Variants in BEND6 observed in about 807,000 individuals in gnomAD.
BEND6 encodes the protein BEN domain containing 6.
BEND6 carries 24 observed loss-of-function variants against 31.8 expected under a neutral mutation model. The observed-to-expected ratio is 0.75, with a 90% CI of 0.55 to 1.06. The LOEUF is 1.06. BEND6 is among the 50% of genes least tolerant of loss of function. The pLI, the probability that BEND6 is intolerant of heterozygous loss-of-function variation, is 0.00. For synonymous variants in BEND6, 109 were observed against 114.6 expected (o/e 0.95, Z 0.31); for missense variants, 294 against 327.4 (o/e 0.90, Z 0.79).
intron 2 of BEND6, among the ~76,000 whole-genome samples, chr6:56,986,649 G>A (rs1280526760): frequency 2.0e-5 from 3 of 152,090 alleles, no homozygotes; most frequent in Non-Finnish European, 4.4e-5. Flanking sequence ...TATTATTTAA[G>A]TCACTTCAGG....
At chr6:57,019,389 G>T (rs1827667646) in intron 6 of BEND6, among the ~76,000 whole-genome samples, 1 of 152,050 alleles carries the variant, frequency 6.6e-6, no homozygotes, top group African/African-American at 2.4e-5. Context: ...GAGGCATGTG[G>T]GTAACACATG....
intron 3 of BEND6, among the ~76,000 whole-genome samples, chr6:57,006,953 A>G (rs1387199302): frequency 6.6e-6 from 1 of 152,154 alleles, no homozygotes; most frequent in Non-Finnish European, 1.5e-5. Context: ...ATTTTTGACA[A>G]AACACCAAGA....
chr6:56,963,618 G>T (rs1237526314), intron 1 of BEND6, among the ~76,000 whole-genome samples: 1 of 151,970 alleles, frequency 6.6e-6, no homozygotes, highest in Middle Eastern at 3.2e-3. Context: ...TTTTACAAAA[G>T]ATTGAGGTTT....
rs1051901700 is a variant in BEND6, at chr6:57,015,052, C to T, written c.299-81C>T. On this transcript the variant is annotated intron_variant, in intron 3 of 6. Transcript: ENST00000370746. ...AGTTTGTTCTGCATATTTCTATGCA[C>T]ATACACTCAACAAAAAAATATGTAC... The T allele has an allele frequency of 5.0e-5, 59 of 1,182,996 alleles. No individual in the cohort carries two copies. The East Asian group carries it at 1.3e-3, about 26-fold the overall frequency. 73.3% of individuals were successfully genotyped at this position (1,182,996 alleles called of 1,614,324 possible).
chr6:57,017,536 GCT>G, intron 5 of BEND6, 137 bp downstream of exon 5: 1 of 686,132 alleles, frequency 1.5e-6, no homozygotes, highest in Non-Finnish European at 2.0e-6. Context: ...ATAGTCTAAA[GCT>G]CTCATTAAAT....
chr6:57,018,435 T>G lies in BEND6; in HGVS notation c.727T>G (p.Leu243Val). 6.3e-7 allele frequency: 1 copy of G among 1,583,538 alleles called. No individual in the cohort carries two copies. Among genetic ancestry groups the G allele is most frequent in the Non-Finnish European group, 8.5e-7 (1 of 1,170,390 alleles). Residue 243 changes from leucine (L) to valine (V), a missense_variant, in exon 6 of 7, where the codon TTA becomes GTA. Leu to Val is a conservative substitution (Grantham distance 32). Coordinates refer to ENST00000370746, the MANE Select transcript of BEND6 (RefSeq NM_152731.3). ...VQEIIGVTKQLFPNTDDVSIR... is the reference protein window; with the variant it reads ...VQEIIGVTKQVFPNTDDVSIR... The stretch of plus-strand genomic sequence containing the variant: ...GTTTTTTACAGGAGTAACAAAACAA[T>G]TATTTCCCAATACGGATGATGTTTC...
chr6:57,006,120 A>G (rs1418681665), intron 3 of BEND6, among the ~76,000 whole-genome samples: 1 of 152,194 alleles, frequency 6.6e-6, no homozygotes, highest in Non-Finnish European at 1.5e-5. Context: ...GTATCTGTGT[A>G]ACCTTGTGCA....
At chr6:57,023,140 G>A (rs1421885460) in intron 6 of BEND6, among the ~76,000 whole-genome samples, 2 of 152,202 alleles carry the variant, frequency 1.3e-5, no homozygotes, top group Admixed American at 1.3e-4. Context: ...TTTGGCCTAT[G>A]TGATCTATGG....
intron 2 of BEND6, among the ~76,000 whole-genome samples, chr6:56,987,269 T>C (rs778406224): frequency 3.3e-5 from 5 of 152,152 alleles, no homozygotes; most frequent in Non-Finnish European, 7.4e-5. Context: ...CGTGAGCCAC[T>C]GTGCCCAGCC....
At chr6:56,973,595 A>C (rs1262055625) in intron 1 of BEND6, among the ~76,000 whole-genome samples, 1 of 152,156 alleles carries the variant, frequency 6.6e-6, no homozygotes, top group East Asian at 1.9e-4. Context: ...AAAATATCTT[A>C]CTGTACTAAG....
chr6:57,015,152 C>A lies in BEND6; in HGVS notation c.318C>A (p.Thr106=). 1 of 1,613,966 alleles carries A rather than the reference C, an allele frequency of 6.2e-7. No homozygotes were observed. The highest frequency in any genetic ancestry group is 8.5e-7 in the Non-Finnish European group (1 of 1,179,932). Residue 106 remains threonine (T), a synonymous_variant, in exon 4 of 7, where the codon ACC becomes ACA. Coordinates refer to ENST00000370746, the MANE Select transcript of BEND6 (RefSeq NM_152731.3). The stretch of plus-strand genomic sequence containing the variant: ...TTTTAGTGTTACCACAAGCAGTCAC[C>A]CAGTTTGAAGAATTGGTTGGTATGG... The part of the protein sequence containing the change: ...VMLQVLPQAV[T]QFEELVGMAE...
At chr6:56,976,714 G>C (rs910825207) in intron 1 of BEND6, among the ~76,000 whole-genome samples, 2 of 152,062 alleles carry the variant, frequency 1.3e-5, no homozygotes, top group East Asian at 1.9e-4. Context: ...ACAGGTGCAC[G>C]TCACCACACC....
At chr6:57,004,480 G>A in intron 3 of BEND6, 1 of 656,998 alleles carries the variant, frequency 1.5e-6, no homozygotes, top group African/African-American at 1.8e-5. Context: ...CGCGCCCTGG[G>A]ACCGTCCCAA....
At chr6:57,010,980 T>C (rs1000849933) in intron 3 of BEND6, 29 of 365,224 alleles carry the variant, frequency 7.9e-5, no homozygotes, top group Non-Finnish European at 1.1e-4. Flanking sequence ...GCTAATACAT[T>C]CTGCTTATAA....
At chr6:57,025,179 A>G (rs1200136018) in intron 6 of BEND6, among the ~76,000 whole-genome samples, 1 of 152,162 alleles carries the variant, frequency 6.6e-6, no homozygotes, top group Non-Finnish European at 1.5e-5. Context: ...TTGGTCAGAG[A>G]GTTCACATAT....
rs74535531 is a variant in BEND6, at chr6:56,984,581, G to A, written c.120+2651G>A. On this transcript the variant is annotated intron_variant, in intron 2 of 6. Coordinates refer to ENST00000370746, the MANE Select transcript of BEND6 (RefSeq NM_152731.3). ...AAACAGTCACATGCTCTTGTAGGCC[G>A]GTATTGTGGCTTCTTTAGCAAGAAC... Among the ~76,000 whole-genome samples, 39 of 152,284 alleles carry A rather than the reference G, an allele frequency of 2.6e-4. No homozygotes were observed. In the East Asian group the frequency reaches 5.4e-3, roughly 21 times the overall value.
At chr6:57,013,752 T>C (rs1208107572) in intron 3 of BEND6, 1 of 152,306 alleles carries the variant, frequency 6.6e-6, no homozygotes, top group Admixed American at 6.5e-5. Context: ...AGGGCAAAAT[T>C]CTTGCTACAC....
Sources: gnomAD v4.1 joint callset for allele counts (sites outside exome capture counted in the v4.1 genomes callset) on GRCh38, gnomAD v4.1.1 for gene constraint, MANE v1.5 for transcripts, NCBI Gene and HGNC (gene_info 2026-07-23, HGNC 2026-07-21) for gene names.